The following ITFG2 variants were observed in gnomAD, a reference collection of about 807,000 sequenced individuals.
ITFG2 encodes the protein KICSTOR complex protein ITFG2.
A neutral mutation model predicts 54.4 loss-of-function variants in ITFG2; 36 were observed. That is an observed-to-expected ratio of 0.66 (90% CI 0.51 to 0.87). ITFG2 has a LOEUF of 0.87. Among genes scored for constraint, ITFG2 ranks in the 40% least tolerant of loss-of-function variants. The pLI, the probability that ITFG2 is intolerant of heterozygous loss-of-function variation, is 0.00. For missense variants in ITFG2, 524 were observed against 576.7 expected (o/e 0.91, Z 0.94); for synonymous variants, 211 against 225.4 (o/e 0.94, Z 0.57).
chr12:2,826,904 C>G (rs2097969834), downstream of ITFG2: 1 of 1,036,324 alleles, frequency 9.6e-7, no homozygotes, highest in East Asian at 5.9e-5. Flanking sequence ...AAGCAGGCAC[C>G]CCATTGTGCT....
At chr12:2,826,870 T>C, downstream of ITFG2, 3 of 590,078 alleles carry the variant, frequency 5.1e-6, no homozygotes, top group Non-Finnish European at 7.2e-6. Flanking sequence ...AGGACAGCAG[T>C]CAGCAGAGCC....
intron 2 of ITFG2, chr12:2,849,168 A>G: frequency 1.4e-6 from 2 of 1,457,250 alleles, no homozygotes; most frequent in South Asian, 1.4e-5. Context: ...CTGAAGGAGC[A>G]TTGATTGAGA....
intron 1 of ITFG2, among the ~76,000 whole-genome samples, chr12:2,838,260 C>T (rs2098033217): frequency 6.6e-6 from 1 of 152,184 alleles, no homozygotes; most frequent in Non-Finnish European, 1.5e-5. Flanking sequence ...AAAGCATCTC[C>T]TCCAACTTAC....
At position 2,852,616 on chromosome 12, in the gene ITFG2, C is replaced by T. The variant is rs555968760; in HGVS notation, n.301-5396C>T. ...CTGGCCTCAAGCGATCCTCCCACTT[C>T]GGCCTCCCAAAGTGTTGGGATTACA... On this transcript the variant is annotated intron_variant and non_coding_transcript_variant, in intron 2 of 3. Coordinates refer to the ITFG2 transcript ENST00000537710. 6.6e-5 allele frequency among the ~76,000 whole-genome samples: 10 copies of T among 152,246 alleles called. No individual in the cohort carries two copies. In the East Asian group the frequency reaches 7.8e-4, roughly 12 times the overall value.
chr12:2,853,361 C>G (rs550773709), intron 2 of ITFG2, among the ~76,000 whole-genome samples: 1 of 152,254 alleles, frequency 6.6e-6, no homozygotes, highest in Admixed American at 6.5e-5. Flanking sequence ...CAACCTCCAC[C>G]TCCCGGGTTC....
At chr12:2,821,436 C>A (rs759817929) in intron 7 of ITFG2, 77 bp downstream of exon 7, 12 of 1,547,618 alleles carry the variant, frequency 7.8e-6, no homozygotes, top group Non-Finnish European at 1.1e-5. Flanking sequence ...CCATAGCTTT[C>A]CCCTCATTTC....
intron 2 of ITFG2, chr12:2,849,542 A>G (rs1293281996): frequency 4.6e-6 from 7 of 1,535,896 alleles, no homozygotes; most frequent in Non-Finnish European, 6.1e-6. Context: ...GGAGAAGGGT[A>G]TGGAGAGAAC....
intron 2 of ITFG2, among the ~76,000 whole-genome samples, chr12:2,843,361 G>A (rs1211533792): frequency 6.6e-6 from 1 of 152,180 alleles, no homozygotes; most frequent in Non-Finnish European, 1.5e-5. Flanking sequence ...TCTTCCAAAG[G>A]CTGCCAGGCA....
At chr12:2,828,968 G>A (rs1359424260), downstream of ITFG2, among the ~76,000 whole-genome samples, 1 of 152,068 alleles carries the variant, frequency 6.6e-6, no homozygotes, top group Non-Finnish European at 1.5e-5. Flanking sequence ...GCACTTTGGA[G>A]GCAAGAGGAT....
intron 2 of ITFG2, among the ~76,000 whole-genome samples, chr12:2,848,864 C>T (rs1257185894): frequency 1.5e-5 from 2 of 136,890 alleles, no homozygotes; most frequent in Non-Finnish European, 3.1e-5. Context: ...CCCACCCCAA[C>T]AGACACACAC....
intron 2 of ITFG2, among the ~76,000 whole-genome samples, chr12:2,848,516 G>A (rs1329194839): frequency 6.6e-6 from 1 of 152,180 alleles, no homozygotes; most frequent in Non-Finnish European, 1.5e-5. Flanking sequence ...CCCCAACAGG[G>A]TGTGGAGAGG....
At chr12:2,823,632 A>G (rs974753839) in intron 10 of ITFG2, 138 bp from the exon 11 acceptor site, 8 of 1,071,456 alleles carry the variant, frequency 7.5e-6, no homozygotes, top group Admixed American at 5.0e-5. Flanking sequence ...CCAACAGAGA[A>G]GAAATAACCT....
chr12:2,824,535 A>G lies in ITFG2; in HGVS notation c.*342A>G, dbSNP rs2097957808. 1 of 352,108 alleles carries G rather than the reference A, an allele frequency of 2.8e-6. No homozygotes were observed. The highest frequency in any genetic ancestry group is 2.1e-5 in the African/African-American group (1 of 47,302). The allele number at this position is 352,108 out of a possible 1,614,324, so 21.8% of individuals were successfully genotyped here. A position where few individuals can be genotyped will look rare whatever the true frequency, so the allele number is the denominator to read the frequency against. On this transcript the variant is annotated 3_prime_UTR_variant, in exon 12 of 12. Transcript: ENST00000228799. ...ACAGAGACTTGTTTGTGTGGCCCCA[A>G]CACCCATAAGGAAACCAGGCTTTAG...
downstream of ITFG2, chr12:2,827,990 G>A (rs913367200): frequency 1.9e-6 from 3 of 1,614,096 alleles, no homozygotes; most frequent in African/African-American, 2.7e-5. This position sits in a 1 kb window ranked among gnomAD's most constrained non-coding sequence, Gnocchi z 4.0. Flanking sequence ...GCTCCACCTG[G>A]GTTGGGGGCC....
intron 2 of ITFG2, chr12:2,830,595 G>C: frequency 8.4e-7 from 1 of 1,184,508 alleles, no homozygotes; most frequent in Non-Finnish European, 1.2e-6. Flanking sequence ...TAGGGAGAGA[G>C]GTGCCCTTTC....
downstream of ITFG2, chr12:2,825,791 C>G (rs972155701): frequency 1.3e-5 from 2 of 152,336 alleles, no homozygotes; most frequent in Non-Finnish European, 2.9e-5. Flanking sequence ...GAGACAGGGT[C>G]TCACTCCTTC....
intron 2 of ITFG2, chr12:2,830,810 C>G (rs547041689): frequency 1.2e-6 from 2 of 1,613,794 alleles, no homozygotes; most frequent in Admixed American, 1.7e-5. Context: ...CCCCCTGAAG[C>G]CAATTCGGGT....
In ITFG2 at chr12:2,820,842, C is replaced by T. The variant is rs150956987; in HGVS notation, c.665C>T (p.Pro222Leu). 2 of 1,613,946 alleles carry T rather than the reference C, an allele frequency of 1.2e-6. No individual in the cohort carries two copies. Among genetic ancestry groups the T allele is most frequent in the African/African-American group, 2.7e-5 (2 of 74,910 alleles). ...CTWKKDTGSP[P>L]ASEGPTDGSR... ...TGGAAAAAGGACACTGGGTCCCCTC[C>T]TGCCTCTGAAGGGCCCACGGATGGT... Residue 222 changes from proline (P) to leucine (L), a missense_variant, in exon 6 of 12, where the codon CCT becomes CTT. Pro to Leu is a moderately conservative substitution (Grantham distance 98). Coordinates refer to ENST00000228799, the MANE Select transcript of ITFG2 (RefSeq NM_018463.4).
At chr12:2,832,178 T>C (rs2098006571), upstream of ITFG2, among the ~76,000 whole-genome samples, 1 of 152,100 alleles carries the variant, frequency 6.6e-6, no homozygotes, top group East Asian at 1.9e-4. Flanking sequence ...CATGTGCAGG[T>C]TAAAGTTTGA....
Sources: allele counts gnomAD v4.1 joint callset (sites outside exome capture counted in the v4.1 genomes callset), GRCh38; gene constraint gnomAD v4.1.1; non-coding constraint Gnocchi (gnomAD v3.1); transcripts MANE v1.5; gene names NCBI Gene and HGNC (gene_info 2026-07-23, HGNC 2026-07-21).